The following CREB3L2 variants were observed in gnomAD, a reference collection of about 807,000 sequenced individuals.
The protein encoded by CREB3L2 is cAMP responsive element binding protein 3 like 2.
Under a neutral mutation model 57.2 loss-of-function variants are expected in CREB3L2, and 23 were observed. The ratio of observed to expected loss-of-function variants is 0.40; its 90% CI spans 0.29 to 0.57. CREB3L2 has a LOEUF of 0.57. Among genes scored for constraint, CREB3L2 ranks in the 20% least tolerant of loss-of-function variants. CREB3L2 has a pLI of 0.42. For synonymous variants in CREB3L2, 268 were observed against 265.1 expected (o/e 1.01, Z -0.11); for missense variants, 628 against 634.7 (o/e 0.99, Z 0.11).
chr7:137,881,584 C>T (rs1362926120), intron 11 of CREB3L2, among the ~76,000 whole-genome samples: 1 of 152,182 alleles, frequency 6.6e-6, no homozygotes, highest in Middle Eastern at 3.2e-3. Context: ...TCATTATAAA[C>T]CTTCCCCTGC....
At chr7:137,979,188 A>T (rs1312193569) in intron 1 of CREB3L2, among the ~76,000 whole-genome samples, 1 of 152,242 alleles carries the variant, frequency 6.6e-6, no homozygotes, top group African/African-American at 2.4e-5. Context: ...ACACACAGTG[A>T]GGGAAGAATA....
At position 137,902,421 on chromosome 7, in the gene CREB3L2, G is replaced by T. The variant is rs148985446; in HGVS notation, c.975-999C>A. 1.7e-3 allele frequency among the ~76,000 whole-genome samples: 253 copies of T among 152,258 alleles called. 1 individual carries two copies. The highest frequency in any genetic ancestry group is 2.9e-3 in the Non-Finnish European group (198 of 68,026). On this transcript the variant is annotated intron_variant, in intron 7 of 11. Transcript: ENST00000330387. ...ACTGATAAGAAGTGAAGAGACTTAA[G>T]CAAAGGGCAGGACGAGAGCCCAGGA...
intron 7 of CREB3L2, among the ~76,000 whole-genome samples, chr7:137,902,808 G>A (rs1799791834): frequency 6.7e-6 from 1 of 150,318 alleles, no homozygotes; most frequent in Non-Finnish European, 1.5e-5. Flanking sequence ...TTTTTATTGA[G>A]TTGTTTGGTT....
intron 1 of CREB3L2, among the ~76,000 whole-genome samples, chr7:137,957,164 A>G (rs1249919369): frequency 1.3e-5 from 2 of 151,818 alleles, no homozygotes; most frequent in African/African-American, 2.4e-5. Flanking sequence ...ACAGGTTCCT[A>G]CAGCCTGGAA....
At chr7:137,989,339 A>C (rs746041382) in intron 1 of CREB3L2, among the ~76,000 whole-genome samples, 2 of 151,926 alleles carry the variant, frequency 1.3e-5, no homozygotes, top group Non-Finnish European at 2.9e-5. Flanking sequence ...CGGTCAGCTG[A>C]ATAGCACACT....
chr7:137,912,945 G>C, intron 4 of CREB3L2, 46 bp downstream of exon 4: 1 of 1,609,334 alleles, frequency 6.2e-7, no homozygotes, highest in Non-Finnish European at 8.5e-7. Context: ...TGTAGACCCA[G>C]AGACCATATC....
intron 1 of CREB3L2, among the ~76,000 whole-genome samples, chr7:137,941,886 TATC>T (rs1800885972): frequency 6.6e-6 from 1 of 152,234 alleles, no homozygotes; most frequent in Non-Finnish European, 1.5e-5. Context: ...TTCTCTGACT[TATC>T]AGTCTCTTAA....
intron 1 of CREB3L2, among the ~76,000 whole-genome samples, chr7:137,947,045 C>T (rs273998): frequency 0.58 from 37,156 of 64,456 alleles, 13,009 homozygotes; most frequent in African/African-American, 0.74. Context: ...AATCCATAGA[C>T]TGAACTGAGT....
At position 137,951,173 on chromosome 7, in the gene CREB3L2, T is replaced by C. The variant is rs552744973; in HGVS notation, c.103-22807A>G. 6.6e-5 allele frequency among the ~76,000 whole-genome samples: 10 copies of C among 152,316 alleles called. No homozygotes were observed. In the East Asian group the frequency reaches 1.7e-3, roughly 26 times the overall value. ...TTTAGTGCCATGTTTTTCATATCTTTGTGCTTTTTGTTGGTGACGTTGCTG... is the reference window on the plus strand; with the variant it reads ...TTTAGTGCCATGTTTTTCATATCTTCGTGCTTTTTGTTGGTGACGTTGCTG... On this transcript the variant is annotated intron_variant, in intron 1 of 11. Coordinates refer to ENST00000330387, the MANE Select transcript of CREB3L2 (RefSeq NM_194071.4).
In CREB3L2 at chr7:137,877,560, T is replaced by C. The variant is rs1167295495; in HGVS notation, c.*2916A>G. 4.4e-6 allele frequency: 1 copy of C among 225,736 alleles called. No individual in the cohort carries two copies. The highest frequency in any genetic ancestry group is 8.8e-6 in the Non-Finnish European group (1 of 113,538). 14.0% of individuals were successfully genotyped at this position (225,736 alleles called of 1,614,324 possible). On this transcript the variant is annotated 3_prime_UTR_variant, in exon 12 of 12. Coordinates refer to ENST00000330387, the MANE Select transcript of CREB3L2 (RefSeq NM_194071.4). ...ACTCAGGTCTTATCCAGTGAAAAATTAGTTCTCTGAATCTTTGCAAAACAT... is the reference window on the plus strand; with the variant it reads ...ACTCAGGTCTTATCCAGTGAAAAATCAGTTCTCTGAATCTTTGCAAAACAT...
intron 1 of CREB3L2, among the ~76,000 whole-genome samples, chr7:137,975,411 G>A (rs1225880555): frequency 6.6e-6 from 1 of 152,206 alleles, no homozygotes; most frequent in African/African-American, 2.4e-5. Flanking sequence ...GCAGCTCCCA[G>A]GCGGGCTGAC....
intron 2 of CREB3L2, among the ~76,000 whole-genome samples, chr7:137,922,410 ATATATGTATATATATATATATATATACG>A (rs1422167373): frequency 3.9e-4 from 10 of 25,866 alleles, no homozygotes; most frequent in African/African-American, 1.8e-3. Flanking sequence ...ATATATATAT[ATATATGTATATATATATATATATATACG>A]TATATATATA....
intron 7 of CREB3L2, 78 bp downstream of exon 7, chr7:137,903,881 T>C: frequency 6.4e-6 from 8 of 1,242,470 alleles, no homozygotes; most frequent in Non-Finnish European, 1.2e-6. Context: ...ATTGAACTGC[T>C]TCTCCCCGAT....
intron 1 of CREB3L2, among the ~76,000 whole-genome samples, chr7:137,982,039 G>A (rs528836141): frequency 1.3e-5 from 2 of 152,262 alleles, no homozygotes; most frequent in East Asian, 3.9e-4. Context: ...TGCACAATGA[G>A]GTGGGGGGTA....
chr7:137,875,465 C>G lies in CREB3L2; in HGVS notation c.*5011G>C, dbSNP rs1799126915. On this transcript the variant is annotated 3_prime_UTR_variant, in exon 12 of 12. Coordinates refer to ENST00000330387, the MANE Select transcript of CREB3L2 (RefSeq NM_194071.4). ...CGAAGGATGGGAGCAGAGAACAGAG[C>G]TAAAACCCCTGGTTTTCCTTTCCCC... The G allele has an allele frequency of 4.5e-6, 1 of 222,874 alleles. No individual in the cohort carries two copies. Among genetic ancestry groups the G allele is most frequent in the African/African-American group, 2.2e-5 (1 of 44,760 alleles). The allele number at this position is 222,874 out of a possible 1,614,324, so 13.8% of individuals were successfully genotyped here.
intron 1 of CREB3L2, among the ~76,000 whole-genome samples, chr7:137,972,319 T>C (rs1032481869): frequency 6.6e-6 from 1 of 151,852 alleles, no homozygotes; most frequent in East Asian, 1.9e-4. Context: ...ACACCTATAA[T>C]CCCAGCTACT....
At chr7:137,990,896 A>AT (rs933250509) in intron 1 of CREB3L2, among the ~76,000 whole-genome samples, 9 of 151,762 alleles carry the variant, frequency 5.9e-5, no homozygotes, top group Non-Finnish European at 7.4e-5. Context: ...CTGTTTGCAG[A>AT]TTTTTTTTTC....
At chr7:137,982,335 T>C (rs980712373) in intron 1 of CREB3L2, among the ~76,000 whole-genome samples, 10 of 152,144 alleles carry the variant, frequency 6.6e-5, no homozygotes, top group African/African-American at 2.4e-4. Flanking sequence ...GTCACCGCCA[T>C]GAGTCCTTGG....
intron 1 of CREB3L2, among the ~76,000 whole-genome samples, chr7:137,951,545 C>G (rs994479732): frequency 1.1e-4 from 16 of 152,092 alleles, no homozygotes; most frequent in Admixed American, 5.2e-4. Flanking sequence ...ATAACCACTG[C>G]AAATAACAAG....
Sources: allele counts gnomAD v4.1 joint callset (sites outside exome capture counted in the v4.1 genomes callset), GRCh38; gene constraint gnomAD v4.1.1; transcripts MANE v1.5; gene names NCBI Gene and HGNC (gene_info 2026-07-23, HGNC 2026-07-21).